Variants in SPOCK1 observed in about 807,000 individuals in gnomAD.
SPOCK1 encodes SPARC (osteonectin), cwcv and kazal like domains proteoglycan 1.
In SPOCK1, 23 loss-of-function variants were observed where a neutral mutation model predicts 55.3. That is an observed-to-expected ratio of 0.42 (90% CI 0.30 to 0.59). The LOEUF (loss-of-function observed/expected upper bound fraction) is 0.59, where lower values mean the gene tolerates loss of function less well. Ranked by LOEUF, SPOCK1 falls within the 20% of genes least tolerant of loss-of-function variation. The probability of loss-of-function intolerance (pLI) is 0.22; values close to 1 mark genes in which losing one functional copy is unlikely to be tolerated. For synonymous variants in SPOCK1, 226 were observed against 221.0 expected, an observed-to-expected ratio of 1.02 and a Z score of -0.20; for missense variants, 499 against 552.5, an observed-to-expected ratio of 0.90 and a Z score of 0.97.
At chr5:137,295,976 G>A (rs1229239071) in intron 2 of SPOCK1, among the ~76,000 whole-genome samples, 2 of 152,212 alleles carry the variant, frequency 1.3e-5, no homozygotes, top group Non-Finnish European at 2.9e-5. Context: ...AACCCCCAAT[G>A]TGAGGTGTCA....
intron 3 of SPOCK1, among the ~76,000 whole-genome samples, chr5:137,257,292 C>T (rs1306658094): frequency 1.3e-5 from 2 of 152,044 alleles, no homozygotes; most frequent in Admixed American, 1.3e-4. Context: ...TGTTTGTGTC[C>T]CCCCCCAAAA....
chr5:137,189,359 C>A (rs945909867), intron 3 of SPOCK1, among the ~76,000 whole-genome samples: 1 of 152,194 alleles, frequency 6.6e-6, no homozygotes, highest in Non-Finnish European at 1.5e-5. Context: ...GCCAATGCAG[C>A]TGGTAACTTT....
intron 2 of SPOCK1, among the ~76,000 whole-genome samples, chr5:137,388,687 T>C (rs1488248663): frequency 1.3e-5 from 2 of 152,212 alleles, no homozygotes; most frequent in African/African-American, 4.8e-5. Context: ...GGACCCAGTT[T>C]CTGGATGTGG....
intron 3 of SPOCK1, among the ~76,000 whole-genome samples, chr5:137,147,692 C>T (rs541252066): frequency 2.0e-5 from 3 of 152,272 alleles, no homozygotes; most frequent in Admixed American, 6.5e-5. Flanking sequence ...TCTTAGAGGC[C>T]CCCTCTCCAA....
chr5:137,169,440 CCCAACAAATATATATA>C (rs1358663336), intron 3 of SPOCK1, among the ~76,000 whole-genome samples: 1 of 152,018 alleles, frequency 6.6e-6, no homozygotes, highest in East Asian at 1.9e-4. Flanking sequence ...ATCTCATGTA[CCCAACAAATATATATA>C]CCTACTACAC....
intron 3 of SPOCK1, among the ~76,000 whole-genome samples, chr5:137,225,598 C>T (rs1048162395): frequency 1.3e-5 from 2 of 152,208 alleles, no homozygotes; most frequent in Non-Finnish European, 2.9e-5. Context: ...AATGCTAGGG[C>T]ATGCCACACG....
chr5:137,276,590 T>C (rs1208635806), intron 2 of SPOCK1, among the ~76,000 whole-genome samples: 1 of 152,210 alleles, frequency 6.6e-6, no homozygotes, highest in Non-Finnish European at 1.5e-5. Flanking sequence ...AAGATAACAA[T>C]CCAACCTCGG....
chr5:137,064,548 G>A lies in SPOCK1; in HGVS notation c.589+3167C>T, dbSNP rs552403219. Among the ~76,000 whole-genome samples, 5 of 152,290 alleles carry A rather than the reference G, an allele frequency of 3.3e-5. No homozygotes were observed. The East Asian group carries it at 5.8e-4, about 18-fold the overall frequency. On this transcript the variant is annotated intron_variant, in intron 6 of 10. Transcript: ENST00000394945. ...CCTGTGGACACCATGCCCACTGCCT[G>A]CAGCTTCTGGAAGGGGCTGCTGACA... is the stretch of plus-strand genomic sequence containing the variant.
chr5:137,056,711 T>C (rs974873490), intron 6 of SPOCK1, among the ~76,000 whole-genome samples: 14 of 152,100 alleles, frequency 9.2e-5, no homozygotes, highest in African/African-American at 2.9e-4. Context: ...GTTGACAGCC[T>C]CACTCCACTT....
At chr5:137,444,659 G>T (rs1753084453) in intron 2 of SPOCK1, among the ~76,000 whole-genome samples, 1 of 152,192 alleles carries the variant, frequency 6.6e-6, no homozygotes, top group Admixed American at 6.5e-5. Flanking sequence ...ACTCTTAGAA[G>T]CAAGTAATAG....
intron 2 of SPOCK1, 50 bp from the exon 3 acceptor site, chr5:137,267,105 C>T: frequency 6.8e-7 from 1 of 1,470,596 alleles, no homozygotes; most frequent in Admixed American, 1.7e-5. Context: ...AAAAGCTTCT[C>T]ACATAACTGC....
chr5:137,268,484 C>T (rs192230743), intron 2 of SPOCK1, among the ~76,000 whole-genome samples: 89 of 152,270 alleles, frequency 5.8e-4, no homozygotes, highest in African/African-American at 1.9e-3. Flanking sequence ...CAATATCTTT[C>T]CCCATTTATA....
chr5:137,312,385 G>C (rs536990984), intron 2 of SPOCK1, among the ~76,000 whole-genome samples: 1 of 152,208 alleles, frequency 6.6e-6, no homozygotes, highest in Non-Finnish European at 1.5e-5. Context: ...ACTCAAATGA[G>C]AGAGACCTCC....
chr5:137,262,543 T>G (rs546313154), intron 3 of SPOCK1, among the ~76,000 whole-genome samples: 2 of 152,286 alleles, frequency 1.3e-5, no homozygotes, highest in South Asian at 4.1e-4. Context: ...ACTGGGAGTG[T>G]CCCCCAAGAG....
intron 3 of SPOCK1, among the ~76,000 whole-genome samples, chr5:137,244,872 C>A (rs1277441116): frequency 6.6e-6 from 1 of 152,196 alleles, no homozygotes; most frequent in Non-Finnish European, 1.5e-5. Flanking sequence ...AAAGATCCAA[C>A]CCCCTACAGG....
intron 5 of SPOCK1, among the ~76,000 whole-genome samples, chr5:137,077,536 T>C (rs1752796009): frequency 1.3e-5 from 2 of 152,328 alleles, no homozygotes; most frequent in African/African-American, 2.4e-5. Context: ...CATGTTGCAA[T>C]TAGCTAAGCC....
At chr5:137,331,775 A>G (rs889144717) in intron 2 of SPOCK1, among the ~76,000 whole-genome samples, 1 of 151,892 alleles carries the variant, frequency 6.6e-6, no homozygotes, top group African/African-American at 2.4e-5. Flanking sequence ...CGATCCAATC[A>G]CCTCCCACCA....
chr5:137,018,786 A>T (rs1173769352), intron 6 of SPOCK1, among the ~76,000 whole-genome samples: 1 of 152,192 alleles, frequency 6.6e-6, no homozygotes, highest in East Asian at 1.9e-4. Context: ...CATTTTTAAA[A>T]TTTTAAAAAA....
In SPOCK1 at chr5:137,498,266, CCACACACACACACACACACACACA is replaced by C. The variant is rs544933594; in HGVS notation, c.186+83_186+106del. 1.3e-5 allele frequency: 10 copies of C among 796,378 alleles called. No individual in the cohort carries two copies. In the South Asian group the frequency reaches 4.1e-4, roughly 33 times the overall value. 49.3% of individuals were successfully genotyped at this position (796,378 alleles called of 1,614,324 possible). A position where few individuals can be genotyped will look rare whatever the true frequency, so the allele number is the denominator to read the frequency against. On this transcript the variant is annotated intron_variant, in intron 2 of 10. Coordinates refer to ENST00000394945, the MANE Select transcript of SPOCK1 (RefSeq NM_004598.4). ...AGATGCCCACCTGTCCCCCTCCCAACCACACACACACACACACACACACACACACACACACCCCAACCCCGCTTC... is the reference window on the plus strand; with the variant it reads ...AGATGCCCACCTGTCCCCCTCCCAACCACACACACACCCCAACCCCGCTTC...
Sources: allele counts gnomAD v4.1 joint callset (sites outside exome capture counted in the v4.1 genomes callset), GRCh38; gene constraint gnomAD v4.1.1; transcripts MANE v1.5; gene names NCBI Gene and HGNC (gene_info 2026-07-23, HGNC 2026-07-21).